UNC13C: variants seen among roughly 807,000 people sequenced by gnomAD.
The protein encoded by UNC13C is protein unc-13 homolog C.
Under a neutral mutation model 245.4 loss-of-function variants are expected in UNC13C, and 174 were observed. The observed-to-expected ratio is 0.71, with a 90% CI of 0.63 to 0.80. UNC13C has a LOEUF of 0.80. Among genes scored for constraint, UNC13C ranks in the 30% least tolerant of loss-of-function variants. UNC13C has a pLI of 0.00. For missense variants in UNC13C, 2,829 were observed against 2,602.9 expected (o/e 1.09, Z -1.89); for synonymous variants, 992 against 895.1 (o/e 1.11, Z -1.93).
the UNC13C span, among the ~76,000 whole-genome samples, chr15:53,879,784 A>G: frequency 6.6e-6 from 1 of 151,988 alleles, no homozygotes; most frequent in Non-Finnish European, 1.5e-5. Context: ...ATGGGGTTTC[A>G]CCATTTTGGT....
chr15:53,874,071 G>A, the UNC13C span, among the ~76,000 whole-genome samples: 9 of 151,886 alleles, frequency 5.9e-5, no homozygotes, highest in East Asian at 1.7e-3. Flanking sequence ...TGACCTCTAG[G>A]CTCCGTCAAT....
At chr15:54,406,240 A>G (rs1252650270) in intron 18 of UNC13C, among the ~76,000 whole-genome samples, 1 of 152,236 alleles carries the variant, frequency 6.6e-6, no homozygotes, top group African/African-American at 2.4e-5. Flanking sequence ...GTATAAATAC[A>G]GTAAACTTGG....
At chr15:54,490,162 C>G (rs769459807) in intron 19 of UNC13C, among the ~76,000 whole-genome samples, 2 of 151,946 alleles carry the variant, frequency 1.3e-5, no homozygotes, top group Non-Finnish European at 2.9e-5. Flanking sequence ...ATGTTTTTTC[C>G]CAGCAAAGAG....
At chr15:54,555,144 G>A (rs898338837) in intron 28 of UNC13C, among the ~76,000 whole-genome samples, 2 of 152,050 alleles carry the variant, frequency 1.3e-5, no homozygotes, top group South Asian at 2.1e-4. Flanking sequence ...ATTTCATCAC[G>A]CATTTTCCAG....
intron 4 of UNC13C, among the ~76,000 whole-genome samples, chr15:54,179,539 A>G (rs1404041162): frequency 6.6e-6 from 1 of 152,076 alleles, no homozygotes; most frequent in African/African-American, 2.4e-5. Flanking sequence ...TAGAGAAGAT[A>G]CTATAAATAT....
Position 54,294,055 on chromosome 15 carries a change from T to C in UNC13C, c.3979T>C (p.Tyr1327His). 6.5e-7 allele frequency: 1 copy of C among 1,543,190 alleles called. No homozygotes were observed. Among genetic ancestry groups the C allele is most frequent in the East Asian group, 2.4e-5 (1 of 41,746 alleles). ...RTLSGEMDVWYNLEKRTDKSA... is the reference protein window; with the variant it reads ...RTLSGEMDVWHNLEKRTDKSA... ...CTTGAGTGGAGAAATGGATGTCTGGTACAACTTAGGTGATTTTTTTTTTTA... is the reference window on the plus strand; with the variant it reads ...CTTGAGTGGAGAAATGGATGTCTGGCACAACTTAGGTGATTTTTTTTTTTA... Residue 1327 changes from tyrosine (Y) to histidine (H), a missense_variant, in exon 11 of 33, where the codon TAC (tyrosine) becomes CAC (histidine). Physicochemically the swap from Tyr to His is moderately conservative, Grantham distance 83. Coordinates refer to ENST00000260323, the MANE Select transcript of UNC13C (RefSeq NM_001080534.3).
chr15:54,080,569 A>G (rs1207759621), intron 2 of UNC13C, among the ~76,000 whole-genome samples: 2 of 152,002 alleles, frequency 1.3e-5, no homozygotes, highest in Non-Finnish European at 2.9e-5. Context: ...GTTTCCAGGA[A>G]TTTATCCATT....
the UNC13C span, among the ~76,000 whole-genome samples, chr15:53,910,360 C>T: frequency 6.8e-6 from 1 of 146,094 alleles, no homozygotes; most frequent in South Asian, 2.3e-4. Flanking sequence ...GCCTGCATGA[C>T]TCACTGAGTT....
chr15:53,888,636 C>T, the UNC13C span, among the ~76,000 whole-genome samples: 1 of 152,138 alleles, frequency 6.6e-6, no homozygotes, highest in Non-Finnish European at 1.5e-5. Context: ...TGCCTATGTC[C>T]TGAATGGCAT....
At chr15:54,054,780 T>C (rs1897431290) in intron 2 of UNC13C, among the ~76,000 whole-genome samples, 1 of 152,060 alleles carries the variant, frequency 6.6e-6, no homozygotes, top group East Asian at 1.9e-4. Flanking sequence ...CCAAATGACA[T>C]TTTCACGAAC....
chr15:54,607,442 T>C (rs571624955), intron 30 of UNC13C, among the ~76,000 whole-genome samples: 9 of 152,288 alleles, frequency 5.9e-5, no homozygotes, highest in Admixed American at 5.2e-4. Context: ...TACCTGGGAG[T>C]TCCTCAGCAC....
intron 30 of UNC13C, among the ~76,000 whole-genome samples, chr15:54,599,439 T>G (rs949627581): frequency 6.6e-6 from 1 of 152,054 alleles, no homozygotes; most frequent in Non-Finnish European, 1.5e-5. Context: ...TCTCTATTTC[T>G]TCAGTATCTG....
the UNC13C span, among the ~76,000 whole-genome samples, chr15:53,850,783 C>A: frequency 1.3e-5 from 2 of 150,964 alleles, no homozygotes; most frequent in African/African-American, 2.4e-5. Context: ...CCTGTTCTCT[C>A]TTCTCTCTTA....
chr15:54,205,420 C>G (rs2034675797), intron 4 of UNC13C, among the ~76,000 whole-genome samples: 1 of 151,952 alleles, frequency 6.6e-6, no homozygotes, highest in Admixed American at 6.6e-5. Context: ...AATTCTTCAA[C>G]TAATATCAGG....
At position 54,013,263 on chromosome 15, in the gene UNC13C, C is replaced by G. The variant is rs770554060; in HGVS notation, c.360C>G (p.Leu120=). ...ATAATGAGGATCTGCTTCAAGAGCT[C>G]TCTTCAATCGAGAGTTCCTACTCAG... ...NSDNEDLLQE[L]SSIESSYSES... The change falls in exon 2 of 33, where the codon CTC becomes CTG. Residue 120 remains leucine, a synonymous_variant. Coordinates refer to ENST00000260323, the MANE Select transcript of UNC13C (RefSeq NM_001080534.3). The G allele has an allele frequency of 4.3e-6, 7 of 1,613,684 alleles. No homozygotes were observed. The South Asian group carries it at 7.7e-5, about 18-fold the overall frequency.
intron 20 of UNC13C, among the ~76,000 whole-genome samples, chr15:54,497,129 C>G (rs959961208): frequency 2.0e-5 from 3 of 151,988 alleles, no homozygotes; most frequent in Non-Finnish European, 4.4e-5. Context: ...TGTCTAGACA[C>G]TCTACGCTAA....
At chr15:54,515,796 A>T (rs535859684) in intron 24 of UNC13C, among the ~76,000 whole-genome samples, 9 of 152,180 alleles carry the variant, frequency 5.9e-5, no homozygotes, top group Non-Finnish European at 1.0e-4. Flanking sequence ...AATTATTTTC[A>T]TCTGTTGACC....
intron 2 of UNC13C, among the ~76,000 whole-genome samples, chr15:54,022,818 G>A (rs537533214): frequency 6.6e-6 from 1 of 152,254 alleles, no homozygotes; most frequent in African/African-American, 2.4e-5. Flanking sequence ...GGAGACCTTT[G>A]AGGAGTGAAG....
intron 10 of UNC13C, among the ~76,000 whole-genome samples, chr15:54,275,369 A>T (rs1209709747): frequency 6.6e-6 from 1 of 152,186 alleles, no homozygotes; most frequent in African/African-American, 2.4e-5. Context: ...ATTCAAATTA[A>T]AACTATGTGA....
Sources: allele counts gnomAD v4.1 joint callset (sites outside exome capture counted in the v4.1 genomes callset), GRCh38; gene constraint gnomAD v4.1.1; transcripts MANE v1.5; gene names NCBI Gene and HGNC (gene_info 2026-07-23, HGNC 2026-07-21).